Variants in NYX observed in about 807,000 individuals in gnomAD.
NYX encodes leucine-rich repeat protein.
For synonymous variants in NYX, 258 were observed against 245.7 expected, an observed-to-expected ratio of 1.05 and a Z score of -0.47; for missense variants, 481 against 485.4, an observed-to-expected ratio of 0.99 and a Z score of 0.09.
At chrX:41,451,428 A>G (rs935468705) in intron 2 of NYX, among the ~76,000 whole-genome samples, 3 of 112,178 alleles carry the variant, frequency 2.7e-5, no homozygotes, top group Admixed American at 1.9e-4. Context: ...ATCCAGGGAA[A>G]TACTGCTCAG....
intron 2 of NYX, among the ~76,000 whole-genome samples, chrX:41,462,744 C>T (rs1421156618): frequency 8.9e-6 from 1 of 111,958 alleles, no homozygotes; most frequent in African/African-American, 3.2e-5. Context: ...TATTTATCTT[C>T]TGTCTATCTT....
At chrX:41,468,127 G>C (rs190832594) in intron 2 of NYX, among the ~76,000 whole-genome samples, 1 of 111,329 alleles carries the variant, frequency 9.0e-6, no homozygotes. Flanking sequence ...ATAGCCACAT[G>C]GTTCAAAATG....
At chrX:41,460,876 ATTTTTTTTTTTTTTTT>A (rs59383905) in intron 2 of NYX, among the ~76,000 whole-genome samples, 13 of 24,778 alleles carry the variant, frequency 5.2e-4, no homozygotes, top group Admixed American at 2.0e-3. Context: ...CACAGTATGT[ATTTTTTTTTTTTTTTT>A]TTTTTTTTTT....
At chrX:41,452,765 T>C (rs750218747) in intron 2 of NYX, among the ~76,000 whole-genome samples, 7 of 111,438 alleles carry the variant, frequency 6.3e-5, no homozygotes, top group African/African-American at 2.3e-4. Flanking sequence ...CTCCATCCCT[T>C]ATGACTCACG....
In NYX at chrX:41,460,876, A is replaced by ATTCTTTTTTTTTTTTTTTTT. The variant is rs1335308569; in HGVS notation, c.23-12613_23-12612insCTTTTTTTTTTTTTTTTTTT. Among the ~76,000 whole-genome samples the ATTCTTTTTTTTTTTTTTTTT allele has an allele frequency of 2.0e-4, 5 of 24,781 alleles. 1 individual carries two copies. The highest frequency in any genetic ancestry group is 2.1e-4 in the Non-Finnish European group (3 of 14,536). 21.5% of individuals were successfully genotyped at this position (24,781 alleles called of 115,157 possible). ...ATGTAAGCGGAGTCACACAGTATGT[A>ATTCTTTTTTTTTTTTTTTTT]TTTTTTTTTTTTTTTTTTTTTTTTT... On this transcript the variant is annotated intron_variant, in intron 2 of 2. Coordinates refer to ENST00000378220, the MANE Select transcript of NYX (RefSeq NM_001378477.3).
At chrX:41,453,109 T>C (rs1194684230) in intron 2 of NYX, among the ~76,000 whole-genome samples, 1 of 112,597 alleles carries the variant, frequency 8.9e-6, no homozygotes, top group African/African-American at 3.2e-5. Context: ...ACAATGAGAA[T>C]AAAGAAACAT....
intron 2 of NYX, among the ~76,000 whole-genome samples, chrX:41,461,625 T>C (rs2064320376): frequency 9.0e-6 from 1 of 110,516 alleles, no homozygotes; most frequent in Non-Finnish European, 1.9e-5. Context: ...TCCATAGTGG[T>C]TGTAGTAGTT....
intron 2 of NYX, chrX:41,472,699 C>A: frequency 2.9e-6 from 1 of 346,970 alleles, no homozygotes; most frequent in South Asian, 8.1e-5. Context: ...CCACTTCCGC[C>A]GGCACCCCGC....
intron 2 of NYX, among the ~76,000 whole-genome samples, chrX:41,449,315 C>G (rs1232961070): frequency 9.0e-6 from 1 of 111,731 alleles, no homozygotes; most frequent in Non-Finnish European, 1.9e-5. Flanking sequence ...CCGGAACTTG[C>G]TCTGTTCAGT....
chrX:41,474,884 C>T lies in NYX; in HGVS notation c.1416C>T (p.Gly472=), dbSNP rs1196775465. 8.3e-7 allele frequency: 1 copy of T among 1,203,889 alleles called. No homozygotes were observed. The highest frequency in any genetic ancestry group is 2.3e-4 in the Middle Eastern group (1 of 4,339). ...LPSVAQHVVF[G]LQMD ...GCGTGGCCCAGCACGTGGTGTTTGG[C>T]CTGCAGATGGACTGACCTGGCCAGA... is the stretch of plus-strand genomic sequence containing the variant. Residue 472 remains glycine, a synonymous_variant, in exon 3 of 3, where the codon GGC becomes GGT. Transcript: ENST00000378220.
Position 41,454,020 on chromosome X carries a change from A to G in NYX, c.22+6094A>G, listed in dbSNP as rs7878329. ...TATCACACAGATGAATCCCATTTTT[A>G]TAAAATTGGTGCATCTAGACCTTTG... On this transcript the variant is annotated intron_variant, in intron 2 of 2. Transcript: ENST00000378220. 3.4e-3 allele frequency among the ~76,000 whole-genome samples: 386 copies of G among 112,453 alleles called. 1 individual carries two copies. The highest frequency in any genetic ancestry group is 0.014 in the Middle Eastern group (3 of 219).
chrX:41,450,164 C>T (rs530437661), intron 2 of NYX, among the ~76,000 whole-genome samples: 7 of 112,407 alleles, frequency 6.2e-5, no homozygotes, highest in African/African-American at 9.7e-5. Flanking sequence ...GGGGTCTTCC[C>T]GCTGTTCACA....
At chrX:41,453,741 C>A (rs2064289622) in intron 2 of NYX, among the ~76,000 whole-genome samples, 1 of 112,603 alleles carries the variant, frequency 8.9e-6, no homozygotes, top group Non-Finnish European at 1.9e-5. Flanking sequence ...TAGGCGTGAG[C>A]CACCGTGCCA....
At chrX:41,472,303 C>T (rs1254629190) in intron 2 of NYX, 2 of 1,136,798 alleles carry the variant, frequency 1.8e-6, no homozygotes, top group African/African-American at 1.8e-5. Context: ...ATCGGAGCAG[C>T]GCCTCTGCTT....
chrX:41,475,008 G>A lies in NYX; in HGVS notation c.*109G>A. 1.4e-6 allele frequency: 1 copy of A among 723,139 alleles called. No homozygotes were observed. The highest frequency in any genetic ancestry group is 2.3e-5 in the South Asian group (1 of 43,095). The allele number at this position is 723,139 out of a possible 1,213,427, so 59.6% of individuals were successfully genotyped here. The stretch of plus-strand genomic sequence containing the variant: ...GTGAAAATCCCAGTGGAGGGTGGAA[G>A]GAACCGTTTGCCTCCAGAGATGGCC... On this transcript the variant is annotated 3_prime_UTR_variant, in exon 3 of 3. Coordinates refer to ENST00000378220, the MANE Select transcript of NYX (RefSeq NM_001378477.3).
intron 2 of NYX, among the ~76,000 whole-genome samples, chrX:41,457,581 T>C (rs114938012): frequency 0.25 from 27,844 of 110,402 alleles, 2,709 homozygotes; most frequent in East Asian, 0.44. Flanking sequence ...TGCTCCCCCA[T>C]AACTTTGACC....
chrX:41,470,712 A>AAAAAT (rs1213488892), intron 2 of NYX, among the ~76,000 whole-genome samples: 1 of 109,570 alleles, frequency 9.1e-6, no homozygotes, highest in Non-Finnish European at 1.9e-5. Context: ...AAAAAAAAAA[A>AAAAAT]ATCATTGATG....
intron 2 of NYX, among the ~76,000 whole-genome samples, chrX:41,463,252 T>C (rs1415018364): frequency 1.8e-5 from 2 of 111,958 alleles, no homozygotes; most frequent in Non-Finnish European, 3.8e-5. Context: ...TTGCTTCAAG[T>C]ATAATGTAAG....
chrX:41,475,652 T>C lies in NYX; in HGVS notation c.*753T>C, dbSNP rs1007101717. 7.2e-5 allele frequency: 8 copies of C among 111,589 alleles called. No individual in the cohort carries two copies. The allele number at this position is 111,589 out of a possible 1,213,427, so 9.2% of individuals were successfully genotyped here. ...AAAAAAAAGGTTAAACCGGTTTCTC[T>C]ACTGCTGGACTTTTCAGAGTCTTTC... On this transcript the variant is annotated 3_prime_UTR_variant, in exon 3 of 3. Coordinates refer to ENST00000378220, the MANE Select transcript of NYX (RefSeq NM_001378477.3).
Sources: gnomAD v4.1 joint callset for allele counts (sites outside exome capture counted in the v4.1 genomes callset) on GRCh38, gnomAD v4.1.1 for gene constraint, MANE v1.5 for transcripts, NCBI Gene and HGNC (gene_info 2026-07-23, HGNC 2026-07-21) for gene names.